The following SPIDR variants were observed in gnomAD, a reference collection of about 807,000 sequenced individuals.
The protein encoded by SPIDR is scaffold protein involved in DNA repair.
Under a neutral mutation model 104.6 loss-of-function variants are expected in SPIDR, and 93 were observed. That is an observed-to-expected ratio of 0.89 (90% CI 0.75 to 1.06). The LOEUF (loss-of-function observed/expected upper bound fraction) is 1.06, where lower values mean the gene tolerates loss of function less well. SPIDR is among the 50% of genes least tolerant of loss of function. SPIDR has a pLI of 0.00. For missense variants in SPIDR, 1,154 were observed against 1,111.2 expected (o/e 1.04, Z -0.55); for synonymous variants, 431 against 416.9 (o/e 1.03, Z -0.41).
rs1269366491 is a variant in SPIDR, at chr8:47,396,594, T to G, written c.744T>G (p.Thr248=). The change falls in exon 6 of 20, where the codon ACT becomes ACG. Residue 248 remains threonine (T), a synonymous_variant. Coordinates refer to ENST00000297423, the MANE Select transcript of SPIDR (RefSeq NM_001080394.4). ...AACCCACAGCTAAGTTTCCCAGGAC[T>G]CCAGAAAATTCAGCAAAGAAGAAGC... is the stretch of plus-strand genomic sequence containing the variant. ...PQKPTAKFPR[T]PENSAKKKLL... is the part of the protein sequence containing the mutation. 1 of 1,613,406 alleles carries G rather than the reference T, an allele frequency of 6.2e-7. No individual in the cohort carries two copies. The highest frequency in any genetic ancestry group is 8.5e-7 in the Non-Finnish European group (1 of 1,179,826).
At chr8:47,364,655 A>G (rs1350372203) in intron 5 of SPIDR, among the ~76,000 whole-genome samples, 2 of 152,196 alleles carry the variant, frequency 1.3e-5, no homozygotes, top group African/African-American at 4.8e-5. Flanking sequence ...CAGTTGCAGC[A>G]AATCTTACTA....
chr8:47,708,535 CA>C (rs1348532593), intron 14 of SPIDR, among the ~76,000 whole-genome samples: 3 of 152,082 alleles, frequency 2.0e-5, no homozygotes, highest in Admixed American at 6.5e-5. Context: ...CGTACTCACC[CA>C]GAGTCCACAG....
intron 6 of SPIDR, among the ~76,000 whole-genome samples, chr8:47,406,474 T>G (rs2062771995): frequency 6.6e-6 from 1 of 152,152 alleles, no homozygotes; most frequent in Non-Finnish European, 1.5e-5. Flanking sequence ...TAATAGGAAG[T>G]AGAGGTTGAC....
intron 8 of SPIDR, among the ~76,000 whole-genome samples, chr8:47,517,109 C>G (rs567723550): frequency 9.2e-5 from 14 of 152,128 alleles, no homozygotes; most frequent in African/African-American, 3.1e-4. Flanking sequence ...CTCAGCCTCC[C>G]AAGTAGCTGG....
rs771918801 is a variant in SPIDR, at chr8:47,595,912, T to C, written c.1199T>C (p.Val400Ala). Residue 400 changes from valine to alanine, a missense_variant, in exon 9 of 20, where the codon GTG becomes GCG. Transcript: ENST00000297423. ...GAAGATTCAGAAAAAACTTGTGAAGTGTACTGTCCGGACATACCCCTTCCA... is the reference window on the plus strand; with the variant it reads ...GAAGATTCAGAAAAAACTTGTGAAGCGTACTGTCCGGACATACCCCTTCCA... ...AKEDSEKTCE[V>A]YCPDIPLPRR... 6.2e-6 allele frequency: 10 copies of C among 1,614,094 alleles called. No homozygotes were observed. Among genetic ancestry groups the C allele is most frequent in the Non-Finnish European group, 8.5e-6 (10 of 1,180,028 alleles).
chr8:47,667,440 G>GAAAA (rs528607871), intron 10 of SPIDR, among the ~76,000 whole-genome samples: 9 of 52,622 alleles, frequency 1.7e-4, no homozygotes, highest in African/African-American at 3.7e-4. Context: ...CTTCAAAAGG[G>GAAAA]AAAAAAAAAA....
At chr8:47,510,246 G>A (rs1424754497) in intron 8 of SPIDR, among the ~76,000 whole-genome samples, 1 of 152,196 alleles carries the variant, frequency 6.6e-6, no homozygotes, top group African/African-American at 2.4e-5. Context: ...CAAAATGTCT[G>A]TGTCAACTCT....
chr8:47,470,987 G>T (rs921466968), intron 8 of SPIDR, among the ~76,000 whole-genome samples: 1 of 152,108 alleles, frequency 6.6e-6, no homozygotes, highest in Non-Finnish European at 1.5e-5. Flanking sequence ...GCCCGCCTTG[G>T]CCTCCCAAAG....
chr8:47,532,726 C>A (rs895774284), intron 8 of SPIDR, among the ~76,000 whole-genome samples: 3 of 152,204 alleles, frequency 2.0e-5, no homozygotes, highest in African/African-American at 2.4e-5. Flanking sequence ...ATTGACAGAT[C>A]CATCAGGCAG....
intron 8 of SPIDR, among the ~76,000 whole-genome samples, chr8:47,569,896 A>G (rs934140503): frequency 9.2e-5 from 14 of 152,340 alleles, no homozygotes; most frequent in African/African-American, 2.9e-4. Context: ...AGTGGCACCA[A>G]AAGGAATAAA....
chr8:47,366,555 G>A (rs1465432362), intron 5 of SPIDR, among the ~76,000 whole-genome samples: 1 of 152,212 alleles, frequency 6.6e-6, no homozygotes, highest in Non-Finnish European at 1.5e-5. Context: ...AGGGCAAGTT[G>A]TTAAGATTGG....
chr8:47,505,265 G>T (rs910729524), intron 8 of SPIDR, among the ~76,000 whole-genome samples: 1 of 152,270 alleles, frequency 6.6e-6, no homozygotes, highest in Admixed American at 6.5e-5. Flanking sequence ...AGGCCTCCTT[G>T]AGCTGCGGTG....
At chr8:47,592,473 A>C in intron 8 of SPIDR, 8 of 1,424,800 alleles carry the variant, frequency 5.6e-6, no homozygotes, top group Non-Finnish European at 7.9e-6. Context: ...CAAAGGGGGA[A>C]GGAATCCTGA....
intron 8 of SPIDR, among the ~76,000 whole-genome samples, chr8:47,492,677 G>T (rs1169381266): frequency 6.6e-6 from 1 of 151,984 alleles, no homozygotes; most frequent in Non-Finnish European, 1.5e-5. Context: ...GTCCTCCTTT[G>T]TGTGTTGTCA....
chr8:47,735,492 GGGTGGT>G lies in SPIDR; in HGVS notation c.*56_*61del, dbSNP rs749539591. ...TGTGAACTTTGCAATGTGGCTGCAA[GGGTGGT>G]GGTGGTGGTGGTGATTTGGGGTAGT... On this transcript the variant is annotated 3_prime_UTR_variant, in exon 20 of 20. Transcript: ENST00000297423. 1.1e-5 allele frequency: 17 copies of G among 1,613,606 alleles called. No individual in the cohort carries two copies. Among genetic ancestry groups the G allele is most frequent in the African/African-American group, 4.0e-5 (3 of 74,908 alleles).
chr8:47,439,298 A>G (rs1320135872), intron 7 of SPIDR, among the ~76,000 whole-genome samples: 4 of 152,082 alleles, frequency 2.6e-5, no homozygotes, highest in Non-Finnish European at 5.9e-5. Flanking sequence ...CCTTCTATTT[A>G]TGTTTTTATA....
At chr8:47,450,611 A>G (rs189603945) in intron 8 of SPIDR, among the ~76,000 whole-genome samples, 1 of 152,342 alleles carries the variant, frequency 6.6e-6, no homozygotes, top group African/African-American at 2.4e-5. Flanking sequence ...ATGCAAATGT[A>G]TATTGTTGTT....
intron 10 of SPIDR, among the ~76,000 whole-genome samples, chr8:47,600,638 AC>A (rs567798209): frequency 7.7e-4 from 117 of 152,284 alleles, no homozygotes; most frequent in Middle Eastern, 3.4e-3. Flanking sequence ...CCAGTCTTCT[AC>A]CCTTTGCCCT....
At chr8:47,701,663 C>T (rs2080202512) in intron 12 of SPIDR, 58 bp from the exon 13 acceptor site, 4 of 1,526,494 alleles carry the variant, frequency 2.6e-6, no homozygotes, top group East Asian at 4.5e-5. Context: ...AATAATATCT[C>T]CTCTTTTTGA....
Sources: allele counts gnomAD v4.1 joint callset (sites outside exome capture counted in the v4.1 genomes callset), GRCh38; gene constraint gnomAD v4.1.1; transcripts MANE v1.5; gene names NCBI Gene and HGNC (gene_info 2026-07-23, HGNC 2026-07-21).